Variants in PRIM2 observed in about 807,000 individuals in gnomAD.
PRIM2 encodes DNA primase large subunit.
A neutral mutation model predicts 67.3 loss-of-function variants in PRIM2; 39 were observed. The ratio of observed to expected loss-of-function variants is 0.58; its 90% CI spans 0.45 to 0.76. PRIM2 has a LOEUF of 0.76. Ranked by LOEUF, PRIM2 falls within the 30% of genes least tolerant of loss-of-function variation. The pLI, the probability that PRIM2 is intolerant of heterozygous loss-of-function variation, is 0.00. For missense variants in PRIM2, 398 were observed against 598.7 expected (o/e 0.66, Z 3.50); for synonymous variants, 143 against 198.7 (o/e 0.72, Z 2.36).
chr6:57,447,472 C>T, intron 7 of PRIM2, among the ~76,000 whole-genome samples: 1 of 152,062 alleles, frequency 6.6e-6, no homozygotes. Flanking sequence ...GAAGACGAGC[C>T]AAATATGGGT....
chr6:57,540,058 G>A (rs1379226835), intron 10 of PRIM2, among the ~76,000 whole-genome samples: 1 of 151,844 alleles, frequency 6.6e-6, no homozygotes, highest in Non-Finnish European at 1.5e-5. Context: ...TGAAATGACT[G>A]TTCAGAAAGG....
intron 5 of PRIM2, among the ~76,000 whole-genome samples, chr6:57,326,815 A>T (rs182696627): frequency 6.6e-6 from 1 of 152,124 alleles, no homozygotes; most frequent in Admixed American, 6.5e-5. Flanking sequence ...AATGATTTAC[A>T]TATTGTAATT....
At chr6:57,425,082 T>G (rs1771577951) in intron 7 of PRIM2, among the ~76,000 whole-genome samples, 1 of 152,220 alleles carries the variant, frequency 6.6e-6, no homozygotes, top group African/African-American at 2.4e-5. Context: ...TAGGAATAGC[T>G]TTGACTTTTC....
At chr6:57,312,417 G>A (rs564269839), upstream of PRIM2, among the ~76,000 whole-genome samples, 61 of 152,142 alleles carry the variant, frequency 4.0e-4, no homozygotes, top group Non-Finnish European at 1.5e-4. Flanking sequence ...TGGGAGGATC[G>A]CTTGAGTCCA....
At chr6:57,483,721 G>A (rs1478701042) in intron 7 of PRIM2, among the ~76,000 whole-genome samples, 80,030 of 151,992 alleles carry the variant, frequency 0.53, 22,759 homozygotes, top group African/African-American at 0.76. Flanking sequence ...TGAAGAGGCC[G>A]TTTCTTGTAT....
chr6:57,270,350 C>T, the PRIM2 span, among the ~76,000 whole-genome samples: 1 of 152,032 alleles, frequency 6.6e-6, no homozygotes, highest in Non-Finnish European at 1.5e-5. Flanking sequence ...CCTTCATGTC[C>T]CTTGTAAGTT....
At chr6:57,557,354 C>T (rs1180415181) in intron 10 of PRIM2, among the ~76,000 whole-genome samples, 2 of 151,980 alleles carry the variant, frequency 1.3e-5, no homozygotes, top group African/African-American at 4.8e-5. Flanking sequence ...ATAGCAAAGA[C>T]ATGGAATCAC....
At position 57,408,621 on chromosome 6, in the gene PRIM2, GT is replaced by G. The variant is rs1211922090; in HGVS notation, c.693+26457del. 2.0e-5 allele frequency among the ~76,000 whole-genome samples: 3 copies of G among 152,116 alleles called. No homozygotes were observed. In the East Asian group the frequency reaches 5.8e-4, roughly 29 times the overall value. On this transcript the variant is annotated intron_variant, in intron 7 of 13. Coordinates refer to ENST00000615550, the MANE Select transcript of PRIM2 (RefSeq NM_000947.5). ...TGTTTCTGTCATGATAATTTTGTTT[GT>G]TTTAGAATTCCGTGTAAATTGAATC...
chr6:57,373,368 T>C (rs1376795846), intron 5 of PRIM2, among the ~76,000 whole-genome samples: 1 of 152,044 alleles, frequency 6.6e-6, no homozygotes, highest in African/African-American at 2.4e-5. Flanking sequence ...TTGTCAGATG[T>C]ATAGATTGCA....
At chr6:57,575,558 T>C (rs1325866123) in intron 10 of PRIM2, among the ~76,000 whole-genome samples, 4 of 152,170 alleles carry the variant, frequency 2.6e-5, no homozygotes, top group Non-Finnish European at 5.9e-5. Flanking sequence ...CATCAGCAAA[T>C]ATAAATAAGT....
chr6:57,542,957 T>C (rs1775199721), intron 10 of PRIM2, among the ~76,000 whole-genome samples: 1 of 130,238 alleles, frequency 7.7e-6, no homozygotes. Context: ...TTTTTTTTTT[T>C]TGAGACGGAG....
intron 7 of PRIM2, among the ~76,000 whole-genome samples, chr6:57,478,392 G>A (rs1344448669): frequency 5.3e-5 from 8 of 150,534 alleles, no homozygotes; most frequent in African/African-American, 1.5e-4. Context: ...GGGTGCTGGG[G>A]CATGGTGGCA....
intron 12 of PRIM2, among the ~76,000 whole-genome samples, chr6:57,615,411 A>T (rs1776737382): frequency 7.4e-6 from 1 of 135,984 alleles, no homozygotes; most frequent in African/African-American, 2.8e-5. Context: ...ACAGAGTGAG[A>T]TTCTGTCTCA....
intron 7 of PRIM2, among the ~76,000 whole-genome samples, chr6:57,388,325 T>C (rs1770218092): frequency 6.6e-6 from 1 of 152,158 alleles, no homozygotes; most frequent in African/African-American, 2.4e-5. Context: ...AGTTTTCACA[T>C]TAATCTAGAT....
At chr6:57,465,339 C>G (rs1773148098) in intron 7 of PRIM2, among the ~76,000 whole-genome samples, 1 of 152,096 alleles carries the variant, frequency 6.6e-6, no homozygotes, top group South Asian at 2.1e-4. Flanking sequence ...AAGAAGTTAC[C>G]AGGGAGAGAA....
In PRIM2 at chr6:57,318,422, G is replaced by C. The variant is rs530852393; in HGVS notation, c.-9-15G>C. ...TTTTCCATCATTTTACGCTTTTTGTGTACTTCCTTCTAAGGTGACCAAGAT... is the reference window on the plus strand; with the variant it reads ...TTTTCCATCATTTTACGCTTTTTGTCTACTTCCTTCTAAGGTGACCAAGAT... On this transcript the variant is annotated splice_polypyrimidine_tract_variant and intron_variant, in intron 1 of 13. Transcript: ENST00000615550. 1.7e-5 allele frequency: 26 copies of C among 1,562,254 alleles called. No homozygotes were observed. In the East Asian group the frequency reaches 5.5e-4, roughly 33 times the overall value.
intron 7 of PRIM2, among the ~76,000 whole-genome samples, chr6:57,482,365 G>A (rs1401725540): frequency 6.6e-6 from 1 of 152,250 alleles, no homozygotes; most frequent in African/African-American, 2.4e-5. Context: ...AAGAGCACTA[G>A]TAAGCAAAAG....
At chr6:57,522,707 A>T (rs1257128117) in intron 8 of PRIM2, among the ~76,000 whole-genome samples, 2 of 152,172 alleles carry the variant, frequency 1.3e-5, no homozygotes, top group Non-Finnish European at 2.9e-5. Context: ...AATATTTTAC[A>T]TTTTATGGAC....
chr6:57,229,276 A>G, the PRIM2 span, among the ~76,000 whole-genome samples: 2 of 152,092 alleles, frequency 1.3e-5, no homozygotes, highest in South Asian at 4.1e-4. Context: ...TGGCTTTATT[A>G]TGTGAAATGG....
Sources: allele counts gnomAD v4.1 joint callset (sites outside exome capture counted in the v4.1 genomes callset), GRCh38; gene constraint gnomAD v4.1.1; transcripts MANE v1.5; gene names NCBI Gene and HGNC (gene_info 2026-07-23, HGNC 2026-07-21).